PCDHA6: variants seen among roughly 807,000 people sequenced by gnomAD.
PCDHA6 encodes protocadherin alpha-6.
PCDHA6 carries 55 observed loss-of-function variants against 60.3 expected under a neutral mutation model. The observed-to-expected ratio is 0.91, with a 90% CI of 0.73 to 1.14. The LOEUF (loss-of-function observed/expected upper bound fraction) is 1.14, where lower values mean the gene tolerates loss of function less well. Among genes scored for constraint, PCDHA6 ranks in the 50% most tolerant of loss-of-function variants. The pLI is 0.00. For synonymous variants in PCDHA6, 652 were observed against 557.9 expected (o/e 1.17, Z -2.38); for missense variants, 1,327 against 1,256.5 (o/e 1.06, Z -0.85).
rs1770531825 is a variant in PCDHA6 at position 140,829,741 on chromosome 5, G to T, written c.1650G>T (p.Thr550=). The T allele has an allele frequency of 2.5e-6, 4 of 1,613,668 alleles. No homozygotes were observed. The highest frequency in any genetic ancestry group is 3.4e-6 in the Non-Finnish European group (4 of 1,179,882). The change falls in exon 1 of 4, where the codon ACG becomes ACT. Residue 550 remains threonine (T), a synonymous_variant. Coordinates refer to ENST00000529310, the MANE Select transcript of PCDHA6 (RefSeq NM_018909.4). The part of the protein sequence containing the change: ...AGVPPLGSNV[T]LQVFVLDEND... Reference sequence around the variant, plus strand: ...TGCCGCCTCTGGGCAGCAACGTGACGCTGCAGGTGTTCGTGCTGGACGAGA... The same window carrying T: ...TGCCGCCTCTGGGCAGCAACGTGACTCTGCAGGTGTTCGTGCTGGACGAGA...
At chr5:140,856,807 T>C in intron 1 of PCDHA6, 1 of 1,594,936 alleles carries the variant, frequency 6.3e-7, no homozygotes, top group Non-Finnish European at 8.6e-7. Context: ...TGTATGAAAA[T>C]CAAGTGAACC....
chr5:140,864,279 T>C (rs1554158753), intron 1 of PCDHA6: 1 of 152,238 alleles, frequency 6.6e-6, no homozygotes, highest in African/African-American at 2.4e-5. Context: ...CCATTCCTTA[T>C]TGTTTTTATG....
In PCDHA6 at chr5:140,929,079, T is replaced by G. The variant is rs76301676; in HGVS notation, c.2395-49870T>G. 5,184 of 1,614,178 alleles carry G rather than the reference T, an allele frequency of 3.2e-3. 26 individuals are homozygous for G. Among genetic ancestry groups the G allele is most frequent in the African/African-American group, 0.019 (1,450 of 75,034 alleles). On this transcript the variant is annotated intron_variant, in intron 1 of 3. Transcript: ENST00000529310. ...CTACAGAGGATCTGAGGTATGGAAGTAAGATGGTTTCAAATCCTTGCATGA... is the reference window on the plus strand; with the variant it reads ...CTACAGAGGATCTGAGGTATGGAAGGAAGATGGTTTCAAATCCTTGCATGA...
intron 1 of PCDHA6, among the ~76,000 whole-genome samples, chr5:140,964,239 GTTGGC>G (rs2095819198): frequency 6.6e-6 from 1 of 152,180 alleles, no homozygotes; most frequent in African/African-American, 2.4e-5. Context: ...GGCTGATTGT[GTTGGC>G]TTTATATTTG....
At chr5:140,901,433 A>G (rs1472475784) in intron 1 of PCDHA6, among the ~76,000 whole-genome samples, 2 of 152,104 alleles carry the variant, frequency 1.3e-5, no homozygotes, top group Non-Finnish European at 2.9e-5. Flanking sequence ...CTGCATATGG[A>G]TATCTAGTTT....
At chr5:140,911,202 A>C (rs1554194649) in intron 1 of PCDHA6, among the ~76,000 whole-genome samples, 1 of 152,184 alleles carries the variant, frequency 6.6e-6, no homozygotes. Flanking sequence ...ACATGTTGCC[A>C]CTACTGGGGA....
chr5:140,877,764 G>A, intron 1 of PCDHA6: 2 of 1,614,160 alleles, frequency 1.2e-6, no homozygotes, highest in Non-Finnish European at 1.7e-6. Context: ...CAGAGAGCCC[G>A]CCCAAGACGG....
Position 140,844,029 on chromosome 5 carries a change from A to C in PCDHA6, c.2394+13544A>C, listed in dbSNP as rs1554140517. Among the ~76,000 whole-genome samples the C allele has an allele frequency of 2.7e-5, 4 of 149,808 alleles. 1 individual carries two copies. The East Asian group carries it at 7.7e-4, about 29-fold the overall frequency. On this transcript the variant is annotated intron_variant, in intron 1 of 3. Coordinates refer to ENST00000529310, the MANE Select transcript of PCDHA6 (RefSeq NM_018909.4). ...CTCTAAGGACGTTCAGGGCATTTTG[A>C]TCTTTGGTGAAAGTATTCCCCCAAA...
intron 1 of PCDHA6, among the ~76,000 whole-genome samples, chr5:140,906,526 CAATT>C (rs1554192570): frequency 6.6e-6 from 1 of 152,190 alleles, no homozygotes; most frequent in Non-Finnish European, 1.5e-5. Context: ...ATACTCACGA[CAATT>C]AAAATCCTCA....
intron 1 of PCDHA6, chr5:140,849,736 AC>A: frequency 1.3e-6 from 2 of 1,598,292 alleles, no homozygotes; most frequent in Non-Finnish European, 1.7e-6. Flanking sequence ...AGAGCTCTGG[AC>A]CGCGAGAGTG....
At chr5:141,002,733 G>T (rs556024108) in intron 3 of PCDHA6, among the ~76,000 whole-genome samples, 1 of 152,314 alleles carries the variant, frequency 6.6e-6, no homozygotes, top group Admixed American at 6.5e-5. Context: ...CACAGTAAAT[G>T]TTAACTACAT....
intron 1 of PCDHA6, among the ~76,000 whole-genome samples, chr5:140,907,480 C>A (rs1300090409): frequency 6.6e-6 from 1 of 152,212 alleles, no homozygotes; most frequent in Admixed American, 6.5e-5. Flanking sequence ...GCAGGATAGG[C>A]AAACCCATAT....
At chr5:140,867,556 A>G (rs578116609) in intron 1 of PCDHA6, 33 of 152,264 alleles carry the variant, frequency 2.2e-4, no homozygotes, top group African/African-American at 7.5e-4. Flanking sequence ...TACACATATG[A>G]TAACTTTTTC....
At chr5:140,941,196 TTTCTTC>T (rs1563183935) in intron 1 of PCDHA6, among the ~76,000 whole-genome samples, 3 of 111,280 alleles carry the variant, frequency 2.7e-5, no homozygotes, top group East Asian at 2.3e-4. Context: ...TTTTTTTTTC[TTTCTTC>T]CTTTCTTTCT....
chr5:140,969,408 T>C (rs2096327357), intron 1 of PCDHA6: 6 of 1,573,824 alleles, frequency 3.8e-6, no homozygotes, highest in Non-Finnish European at 5.2e-6. Flanking sequence ...GATTTGGCTT[T>C]ATTGAGTCAT....
chr5:140,961,648 G>A (rs367674015), intron 1 of PCDHA6, among the ~76,000 whole-genome samples: 1 of 152,156 alleles, frequency 6.6e-6, no homozygotes, highest in African/African-American at 2.4e-5. Flanking sequence ...AGTCTATGTG[G>A]TTAGTTTGAA....
intron 2 of PCDHA6, 164 bp downstream of exon 2, chr5:140,979,171 C>T (rs1586797637): frequency 4.2e-6 from 4 of 960,866 alleles, no homozygotes; most frequent in South Asian, 4.8e-5. Context: ...CTTGAAAGAT[C>T]GCAAATGGTC....
At chr5:140,937,614 C>A (rs561420642) in intron 1 of PCDHA6, among the ~76,000 whole-genome samples, 1 of 149,010 alleles carries the variant, frequency 6.7e-6, no homozygotes, top group Non-Finnish European at 1.5e-5. Flanking sequence ...GATACTCCAT[C>A]TAAAAAGAAA....
Position 140,862,212 on chromosome 5 carries a change from G to T in PCDHA6, c.2394+31727G>T, listed in dbSNP as rs2047258044. ...TTCCCCAATGTTTGATCACTGCACA[G>T]ACTTGATAGAAGTCTTGGACATCAA... On this transcript the variant is annotated intron_variant, in intron 1 of 3. Transcript: ENST00000529310. The T allele has an allele frequency of 2.0e-5, 4 of 203,790 alleles. No homozygotes were observed. In the South Asian group the frequency reaches 4.0e-4, roughly 20 times the overall value. The allele number at this position is 203,790 out of a possible 1,614,324, so 12.6% of individuals were successfully genotyped here.
Sources: gnomAD v4.1 joint callset for allele counts (sites outside exome capture counted in the v4.1 genomes callset) on GRCh38, gnomAD v4.1.1 for gene constraint, MANE v1.5 for transcripts, NCBI Gene and HGNC (gene_info 2026-07-23, HGNC 2026-07-21) for gene names.